Variants in STK10 observed in about 807,000 individuals in gnomAD.
STK10 encodes serine/threonine kinase 10.
In STK10, 78 loss-of-function variants were observed where a neutral mutation model predicts 113.8. The ratio of observed to expected loss-of-function variants is 0.69; its 90% CI spans 0.57 to 0.83. The LOEUF (loss-of-function observed/expected upper bound fraction) is 0.83, where lower values mean the gene tolerates loss of function less well. Ranked by LOEUF, STK10 falls within the 40% of genes least tolerant of loss-of-function variation. The pLI, the probability that STK10 is intolerant of heterozygous loss-of-function variation, is 0.00. For missense variants in STK10, 1,109 were observed against 1,280.1 expected, an observed-to-expected ratio of 0.87 and a Z score of 2.04; for synonymous variants, 465 against 494.7, an observed-to-expected ratio of 0.94 and a Z score of 0.80.
At chr5:172,112,277 T>C (rs1228796381) in intron 4 of STK10, among the ~76,000 whole-genome samples, 1 of 152,170 alleles carries the variant, frequency 6.6e-6, no homozygotes, top group Non-Finnish European at 1.5e-5. Flanking sequence ...AGGAATAATA[T>C]ATGCATCTTG....
intron 7 of STK10, among the ~76,000 whole-genome samples, chr5:172,104,160 T>C (rs77588533): frequency 0.1 from 15,216 of 152,280 alleles, 869 homozygotes; most frequent in East Asian, 0.13. Context: ...TTCCTGCCAC[T>C]GCACCTCTAA....
chr5:172,144,373 G>A (rs1297676337), intron 2 of STK10, among the ~76,000 whole-genome samples: 3 of 152,050 alleles, frequency 2.0e-5, no homozygotes, highest in African/African-American at 7.2e-5. Flanking sequence ...GGCGGTGCTG[G>A]GAACCTCCTT....
chr5:172,137,652 G>A (rs143306337), intron 2 of STK10, among the ~76,000 whole-genome samples: 4,162 of 151,226 alleles, frequency 0.028, 195 homozygotes, highest in African/African-American at 0.094. Context: ...AGGCCGAGGC[G>A]GGCGGATCAC....
At chr5:172,149,819 G>A (rs1349924863) in intron 2 of STK10, among the ~76,000 whole-genome samples, 1 of 151,634 alleles carries the variant, frequency 6.6e-6, no homozygotes, top group Non-Finnish European at 1.5e-5. Flanking sequence ...GCCGAGGCGG[G>A]TGGATCACCT....
intron 15 of STK10, among the ~76,000 whole-genome samples, chr5:172,056,605 C>T (rs113082938): frequency 0.011 from 1,642 of 152,216 alleles, 35 homozygotes; most frequent in African/African-American, 0.037. Context: ...CAGTGGCTCA[C>T]GCCTGTAATC....
Position 172,055,772 on chromosome 5 carries a change from C to A in STK10, c.2342G>T (p.Arg781Leu). Residue 781 changes from arginine (R) to leucine (L), a missense_variant, in exon 16 of 19, where the codon CGG (arginine) becomes CTG (leucine). Around this residue, in one of 5 missense-constraint regions of STK10, gnomAD observed 885 missense variants for 991.1 expected, o/e 0.89. Transcript: ENST00000176763. ...CTGGTTGTAGCGCTGCATCTGCTCC[C>A]GCTCCTGGAGAGGAATATCCAGAGG... Reference protein sequence around the residue: ...HELLRKHEKEREQMQRYNQRM... With the variant: ...HELLRKHEKELEQMQRYNQRM... The A allele has an allele frequency of 6.7e-7, 1 of 1,488,376 alleles. No individual in the cohort carries two copies. The highest frequency in any genetic ancestry group is 1.3e-5 in the South Asian group (1 of 74,134). The allele number at this position is 1,488,376 out of a possible 1,614,324, so 92.2% of individuals were successfully genotyped here. A position where few individuals can be genotyped will look rare whatever the true frequency, so the allele number is the denominator to read the frequency against.
At chr5:172,117,116 TA>T (rs1379491411) in intron 4 of STK10, among the ~76,000 whole-genome samples, 1 of 151,800 alleles carries the variant, frequency 6.6e-6, no homozygotes, top group African/African-American at 2.4e-5. Flanking sequence ...TCATCTCTAC[TA>T]AAAGTACAAA....
chr5:172,077,681 A>C (rs1035586024), intron 12 of STK10, among the ~76,000 whole-genome samples: 1 of 152,112 alleles, frequency 6.6e-6, no homozygotes, highest in African/African-American at 2.4e-5. Context: ...AGTGATTAGC[A>C]TGATAAATAT....
chr5:172,138,312 G>C (rs763477004), intron 2 of STK10, among the ~76,000 whole-genome samples: 2 of 151,890 alleles, frequency 1.3e-5, no homozygotes, highest in Non-Finnish European at 2.9e-5. Context: ...TTAGTAGAGA[G>C]GGGGTTTCAC....
chr5:172,141,497 C>A (rs1168970938), intron 2 of STK10, among the ~76,000 whole-genome samples: 1 of 150,976 alleles, frequency 6.6e-6, no homozygotes, highest in African/African-American at 2.4e-5. Flanking sequence ...GGGAGGATGG[C>A]TTGTGCCCAG....
chr5:172,046,373 A>AT (rs1554114678), intron 18 of STK10, among the ~76,000 whole-genome samples: 10 of 150,188 alleles, frequency 6.7e-5, no homozygotes, highest in African/African-American at 1.7e-4. Flanking sequence ...AAAAAAAAAA[A>AT]TTTTTTTTAC....
chr5:172,181,503 G>C (rs1554124766), intron 1 of STK10, among the ~76,000 whole-genome samples: 1 of 145,912 alleles, frequency 6.9e-6, no homozygotes, highest in Admixed American at 6.7e-5. Flanking sequence ...TTTTTTTTGA[G>C]ACAGAGTCTC....
chr5:172,045,443 C>T (rs531972609), intron 18 of STK10: 1 of 457,296 alleles, frequency 2.2e-6, no homozygotes, highest in Non-Finnish European at 4.4e-6. Context: ...GAGATTGCGC[C>T]ACTGCACTCC....
intron 1 of STK10, among the ~76,000 whole-genome samples, chr5:172,171,639 C>T (rs1448255209): frequency 2.0e-5 from 3 of 151,252 alleles, no homozygotes; most frequent in Non-Finnish European, 4.4e-5. Context: ...CACTTGGACC[C>T]GTGAGGCAGA....
At chr5:172,131,032 G>GTTTTTTTTTTTTTTTT in intron 2 of STK10, among the ~76,000 whole-genome samples, 1 of 109,520 alleles carries the variant, frequency 9.1e-6, no homozygotes, top group Non-Finnish European at 1.8e-5. Context: ...GCCATCAGCT[G>GTTTTTTTTTTTTTTTT]TTTTTTTTTT....
chr5:172,065,892 C>T (rs985840076), intron 12 of STK10, among the ~76,000 whole-genome samples: 1 of 152,188 alleles, frequency 6.6e-6, no homozygotes, highest in Non-Finnish European at 1.5e-5. Flanking sequence ...CACTCCTGCC[C>T]TCCTGGTCAG....
chr5:172,104,938 T>C (rs925829441), intron 7 of STK10, among the ~76,000 whole-genome samples: 2 of 152,166 alleles, frequency 1.3e-5, no homozygotes, highest in African/African-American at 2.4e-5. Context: ...GTGACTGTAC[T>C]GGGAGAGGGC....
At chr5:172,183,008 A>C (rs988292373) in intron 1 of STK10, among the ~76,000 whole-genome samples, 2 of 151,946 alleles carry the variant, frequency 1.3e-5, no homozygotes, top group Non-Finnish European at 2.9e-5. Flanking sequence ...GGAGTTCAAG[A>C]CCAACCTGGA....
intron 3 of STK10, among the ~76,000 whole-genome samples, chr5:172,124,751 A>G (rs1010605307): frequency 8.5e-5 from 13 of 152,180 alleles, no homozygotes; most frequent in African/African-American, 2.6e-4. Flanking sequence ...AAAAATCTCA[A>G]TCACAGGATA....
Sources: gnomAD v4.1 joint callset for allele counts (sites outside exome capture counted in the v4.1 genomes callset) on GRCh38, gnomAD v4.1.1 for gene constraint, gnomAD v4.1.1 regional missense constraint, MANE v1.5 for transcripts, NCBI Gene and HGNC (gene_info 2026-07-23, HGNC 2026-07-21) for gene names.